Variants in KRT3 observed in about 807,000 individuals in gnomAD.
KRT3 encodes keratin, type II cytoskeletal 3.
A neutral mutation model predicts 45.8 loss-of-function variants in KRT3; 34 were observed. That is an observed-to-expected ratio of 0.74 (90% CI 0.57 to 0.99). KRT3 has a LOEUF of 0.99. KRT3 is among the 50% of genes least tolerant of loss of function. The probability of loss-of-function intolerance (pLI) is 0.00; values close to 1 mark genes in which losing one functional copy is unlikely to be tolerated. For synonymous variants in KRT3, 367 were observed against 329.0 expected (o/e 1.12, Z -1.25); for missense variants, 828 against 820.6 (o/e 1.01, Z -0.11).
chr12:52,795,756 C>A lies in KRT3; in HGVS notation c.287G>T (p.Gly96Val). 3 of 1,613,730 alleles carry A rather than the reference C, an allele frequency of 1.9e-6. No individual in the cohort carries two copies. Among genetic ancestry groups the A allele is most frequent in the Non-Finnish European group, 2.5e-6 (3 of 1,179,644 alleles). Residue 96 changes from glycine (G) to valine (V), a missense_variant, in exon 1 of 9, where the codon GGC becomes GTC. By Grantham distance (109) the Gly-to-Val change is moderately radical (BLOSUM62 -3). Transcript: ENST00000417996. ...GCCACCTCCATAGCCGCTCCCAAAG[C>A]CACCTCCATAGCCACCTGCAAAGGC... ...SCAFAGGYGG[G>V]FGSGYGGGFG...
At position 52,795,578 on chromosome 12, in the gene KRT3, C is replaced by A. The variant is rs772009475; in HGVS notation, c.465G>T (p.Leu155Phe). The A allele has an allele frequency of 6.2e-7, 1 of 1,607,872 alleles. No homozygotes were observed. Among genetic ancestry groups the A allele is most frequent in the Non-Finnish European group, 8.5e-7 (1 of 1,176,778 alleles). ...CAGGGCCAAAGCCACCAGGACTGCC[C>A]AAGCTGCCAGGCCCACCAAAGCCAC... ...GSGGFGGPGSLGSPGGFGPGG... is the reference protein window; with the variant it reads ...GSGGFGGPGSFGSPGGFGPGG... Residue 155 changes from leucine (L) to phenylalanine (F), a missense_variant, in exon 1 of 9, where the codon TTG becomes TTT. By Grantham distance (22) the Leu-to-Phe change is conservative (BLOSUM62 0). Transcript: ENST00000417996.
Position 52,796,021 on chromosome 12 carries a change from T to C in KRT3, c.22A>G (p.Thr8Ala). The change falls in exon 1 of 9, where the codon ACA (threonine) becomes GCA (alanine). Residue 8 changes from threonine to alanine, a missense_variant. Physicochemically the swap from Thr to Ala is moderately conservative, Grantham distance 58 (BLOSUM62 0). Transcript: ENST00000417996. MSRQASK[T>A]SGGGSQGFSG... ...AAACCCTGGCTCCCGCCACCAGATG[T>C]CTTGCTGGCTTGTCTGCTCATGGTA... The C allele has an allele frequency of 6.2e-7, 1 of 1,613,632 alleles. No individual in the cohort carries two copies. Among genetic ancestry groups the C allele is most frequent in the Non-Finnish European group, 8.5e-7 (1 of 1,179,896 alleles).
Position 52,791,310 on chromosome 12 carries a change from G to C in KRT3, c.1431C>G (p.Asp477Glu). ...GGTAGTCACGTAGCAGCCGCGCCAG[G>C]TCATCCTTCGCCTGCTGTAGAGCAG... Reference protein sequence around the residue: ...LQAALQQAKDDLARLLRDYQE... With the variant: ...LQAALQQAKDELARLLRDYQE... Residue 477 changes from aspartate to glutamate, a missense_variant, in exon 7 of 9, where the codon GAC becomes GAG. By Grantham distance (45) the Asp-to-Glu change is conservative. Coordinates refer to ENST00000417996, the MANE Select transcript of KRT3 (RefSeq NM_057088.3). 1 of 1,614,240 alleles carries C rather than the reference G, an allele frequency of 6.2e-7. No homozygotes were observed. The highest frequency in any genetic ancestry group is 8.5e-7 in the Non-Finnish European group (1 of 1,180,046).
At chr12:52,794,735 TG>T (rs1939599712) in intron 1 of KRT3, among the ~76,000 whole-genome samples, 1 of 152,116 alleles carries the variant, frequency 6.6e-6, no homozygotes, top group Admixed American at 6.5e-5. Flanking sequence ...GAAGTGATGC[TG>T]GGAAGCTGGG....
chr12:52,794,071 G>A (rs1336784754), intron 2 of KRT3, 40 bp downstream of exon 2: 5 of 1,505,198 alleles, frequency 3.3e-6, no homozygotes, highest in Non-Finnish European at 4.6e-6. Context: ...CTGAGACAGG[G>A]TGGGCCATGG....
At chr12:52,791,552 T>C in intron 6 of KRT3, 126 bp from the exon 7 acceptor site, 1 of 1,439,212 alleles carries the variant, frequency 6.9e-7, no homozygotes. Flanking sequence ...CCATCTTGTC[T>C]CCATTTGTGG....
intron 8 of KRT3, 148 bp downstream of exon 8, chr12:52,790,690 A>T: frequency 1.2e-6 from 1 of 813,498 alleles, no homozygotes; most frequent in South Asian, 1.5e-5. Context: ...AACCCAGAAC[A>T]ATTACAAAAG....
In KRT3 at chr12:52,795,907, G is replaced by T. The variant is rs368389807; in HGVS notation, c.136C>A (p.Arg46=). The part of the protein sequence containing the change: ...GGAGGGAYGF[R]SGAGGFGSRS... ...CTGCCAAAGCCACCTGCTCCGCTCC[G>T]GAAGCCATAGGCCCCTCCGCCAGCT... The change falls in exon 1 of 9, where the codon CGG becomes AGG. Residue 46 remains arginine (R), a synonymous_variant. Transcript: ENST00000417996. 1 of 1,614,014 alleles carries T rather than the reference G, an allele frequency of 6.2e-7. No homozygotes were observed. Among genetic ancestry groups the T allele is most frequent in the East Asian group, 2.2e-5 (1 of 44,890 alleles).
chr12:52,793,789 G>A (rs768895386), intron 2 of KRT3, among the ~76,000 whole-genome samples: 2 of 151,940 alleles, frequency 1.3e-5, no homozygotes, highest in South Asian at 4.2e-4. Flanking sequence ...ATGATATTTC[G>A]CCATGTTGGC....
rs896314685 is a variant in KRT3 at position 52,795,551 on chromosome 12, C to G, written c.492G>C (p.Gly164=). 6.2e-7 allele frequency: 1 copy of G among 1,613,290 alleles called. No individual in the cohort carries two copies. Among genetic ancestry groups the G allele is most frequent in the African/African-American group, 1.3e-5 (1 of 74,856 alleles). The stretch of plus-strand genomic sequence containing the variant: ...CTTCCTGAATTCCCCCAGGAAAGCC[C>G]CCAGGGCCAAAGCCACCAGGACTGC... ...SLGSPGGFGP[G]GFPGGIQEVT... The change falls in exon 1 of 9, where the codon GGG becomes GGC. Residue 164 remains glycine, a synonymous_variant. Transcript: ENST00000417996.
intron 7 of KRT3, 24 bp from the exon 8 acceptor site, chr12:52,790,896 T>C (rs767365083): frequency 2.5e-6 from 4 of 1,585,898 alleles, no homozygotes; most frequent in East Asian, 4.6e-5. Context: ...CAAGAGAAAG[T>C]GGGCCCCGTC....
chr12:52,791,491 A>G (rs1319419883), intron 6 of KRT3, 65 bp from the exon 7 acceptor site: 10 of 1,537,046 alleles, frequency 6.5e-6, no homozygotes, highest in Non-Finnish European at 5.4e-6. Flanking sequence ...CTGACATGCA[A>G]TGGATTATCC....
At position 52,793,202 on chromosome 12, in the gene KRT3, T is replaced by C; in HGVS notation, c.888A>G (p.Lys296=). Residue 296 remains lysine, a synonymous_variant, in exon 3 of 9, where the codon AAA becomes AAG. Transcript: ENST00000417996. ...CAAATTCATTCTCAGCAGCTGTACG[T>C]TTATTGATTTCATCCTCATATCTGT... ...FKKKYEDEIN[K]RTAAENEFVT... 1 of 1,609,232 alleles carries C rather than the reference T, an allele frequency of 6.2e-7. No homozygotes were observed.
intron 8 of KRT3, 98 bp from the exon 9 acceptor site, chr12:52,790,456 G>A: frequency 8.3e-7 from 1 of 1,207,394 alleles, no homozygotes; most frequent in Non-Finnish European, 1.1e-6. Context: ...ATCCAGAGCT[G>A]ATCAAGGCAG....
intron 2 of KRT3, 91 bp from the exon 3 acceptor site, chr12:52,793,314 C>T (rs536407987): frequency 2.4e-5 from 20 of 833,548 alleles, no homozygotes; most frequent in South Asian, 1.4e-4. Flanking sequence ...CATCTCTTCC[C>T]TCCCTCCATC....
At position 52,791,296 on chromosome 12, in the gene KRT3, A is replaced by T; in HGVS notation, c.1445T>A (p.Leu482Gln). 1 of 1,614,232 alleles carries T rather than the reference A, an allele frequency of 6.2e-7. No individual in the cohort carries two copies. Among genetic ancestry groups the T allele is most frequent in the Non-Finnish European group, 8.5e-7 (1 of 1,180,024 alleles). ...QQAKDDLARLLRDYQELMNVK... is the reference protein window; with the variant it reads ...QQAKDDLARLQRDYQELMNVK... ...ATTCATCAGCTCCTGGTAGTCACGT[A>T]GCAGCCGCGCCAGGTCATCCTTCGC... Residue 482 changes from leucine to glutamine, a missense_variant, in exon 7 of 9, where the codon CTA becomes CAA. Coordinates refer to ENST00000417996, the MANE Select transcript of KRT3 (RefSeq NM_057088.3).
Position 52,791,433 on chromosome 12 carries a change from C to G in KRT3, c.1315-7G>C, listed in dbSNP as rs1939497036. On this transcript the variant is annotated splice_region_variant and splice_polypyrimidine_tract_variant and intron_variant, in intron 6 of 8. Transcript: ENST00000417996. ...CCGTCTGCAGGTTGGCATTCTGGGG[C>G]AAGGGAGGTAGGAGGAATGAGCTCA... is the stretch of plus-strand genomic sequence containing the variant. The G allele has an allele frequency of 6.2e-7, 1 of 1,613,762 alleles. No individual in the cohort carries two copies. The highest frequency in any genetic ancestry group is 8.5e-7 in the Non-Finnish European group (1 of 1,179,766).
chr12:52,791,445 G>A lies in KRT3; in HGVS notation c.1315-19C>T. On this transcript the variant is annotated intron_variant, in intron 6 of 8. Transcript: ENST00000417996. ...TGGCATTCTGGGGCAAGGGAGGTAG[G>A]AGGAATGAGCTCAGTAAGAGGGCCC... The A allele has an allele frequency of 6.2e-7, 1 of 1,612,952 alleles. No individual in the cohort carries two copies. The highest frequency in any genetic ancestry group is 8.5e-7 in the Non-Finnish European group (1 of 1,179,208).
At chr12:52,791,177 G>A in intron 7 of KRT3, 29 bp downstream of exon 7, 1 of 1,613,940 alleles carries the variant, frequency 6.2e-7, no homozygotes, top group Non-Finnish European at 8.5e-7. Flanking sequence ...TGAGCCAGGG[G>A]GTGTGGGAAG....
Sources: gnomAD v4.1 joint callset for allele counts (sites outside exome capture counted in the v4.1 genomes callset) on GRCh38, gnomAD v4.1.1 for gene constraint, MANE v1.5 for transcripts, NCBI Gene and HGNC (gene_info 2026-07-23, HGNC 2026-07-21) for gene names.